ZNF735: variants seen among roughly 807,000 people sequenced by gnomAD.
The protein encoded by ZNF735 is putative zinc finger protein 735.
ZNF735 carries 11 observed loss-of-function variants against 13.4 expected under a neutral mutation model. That is an observed-to-expected ratio of 0.82 (90% CI 0.52 to 1.36). ZNF735 has a LOEUF of 1.36. Ranked by LOEUF, ZNF735 falls within the 40% of genes most tolerant of loss-of-function variation. ZNF735 has a pLI of 0.00. For missense variants in ZNF735, 500 were observed against 484.6 expected (o/e 1.03, Z -0.30); for synonymous variants, 171 against 162.6 (o/e 1.05, Z -0.39).
chr7:64,213,925 C>T (rs1787389519), intron 2 of ZNF735, 88 bp from the exon 3 acceptor site: 7 of 1,273,420 alleles, frequency 5.5e-6, no homozygotes, highest in Non-Finnish European at 7.3e-6. Context: ...TGCCACTGCA[C>T]TCCAGCCTGA....
At chr7:64,213,618 A>T (rs188580104) in intron 2 of ZNF735, among the ~76,000 whole-genome samples, 128 of 152,258 alleles carry the variant, frequency 8.4e-4, no homozygotes, top group African/African-American at 3.0e-3. Context: ...ATTTTCTATT[A>T]TATCCTTTTT....
At chr7:64,212,530 T>C (rs1456889081) in intron 1 of ZNF735, among the ~76,000 whole-genome samples, 3 of 152,126 alleles carry the variant, frequency 2.0e-5, no homozygotes, top group Non-Finnish European at 2.9e-5. Context: ...AGGTGGCTCA[T>C]GCCTGCAATC....
intron 1 of ZNF735, among the ~76,000 whole-genome samples, chr7:64,210,069 C>G (rs1262461007): frequency 6.6e-6 from 1 of 152,006 alleles, no homozygotes; most frequent in Admixed American, 6.6e-5. Context: ...AATCCAAATG[C>G]TAAAAATTAT....
At chr7:64,213,892 G>A in intron 2 of ZNF735, 121 bp from the exon 3 acceptor site, 2 of 885,028 alleles carry the variant, frequency 2.3e-6, no homozygotes, top group Non-Finnish European at 3.1e-6. Flanking sequence ...CTGGGAAGTG[G>A]AGGTTGCAGT....
intron 3 of ZNF735, among the ~76,000 whole-genome samples, chr7:64,216,221 A>G (rs1391559112): frequency 6.6e-6 from 1 of 151,874 alleles, no homozygotes; most frequent in Non-Finnish European, 1.5e-5. Flanking sequence ...GCATGAACCC[A>G]GGAGGTGGCG....
intron 1 of ZNF735, among the ~76,000 whole-genome samples, chr7:64,209,278 T>C (rs1224849654): frequency 2.6e-5 from 4 of 152,048 alleles, no homozygotes; most frequent in African/African-American, 9.7e-5. Context: ...GAATTATTTC[T>C]TTTTTCTTCA....
chr7:64,219,560 C>T, exon 4 of ZNF735: 2 of 1,586,384 alleles, frequency 1.3e-6, no homozygotes, highest in Non-Finnish European at 1.7e-6. Context: ...AGTAAATTTT[C>T]AAATTCCAAT....
At chr7:64,207,385 G>GC in intron 1 of ZNF735, 144 bp downstream of exon 1, 1 of 1,483,982 alleles carries the variant, frequency 6.7e-7, no homozygotes, top group Non-Finnish European at 9.3e-7. Flanking sequence ...TCGGCTGTTA[G>GC]CCCCCTCCAG....
At chr7:64,208,328 C>A (rs1391533043) in intron 1 of ZNF735, among the ~76,000 whole-genome samples, 1 of 137,004 alleles carries the variant, frequency 7.3e-6, no homozygotes, top group African/African-American at 2.7e-5. Flanking sequence ...TGCAATCTCA[C>A]CTCTTTACAA....
chr7:64,218,307 A>T (rs567733157), intron 3 of ZNF735, among the ~76,000 whole-genome samples: 2 of 152,122 alleles, frequency 1.3e-5, no homozygotes, highest in Non-Finnish European at 2.9e-5. Context: ...GACTAGGCTT[A>T]TAAATAATAC....
chr7:64,215,652 A>ATT (rs35071441), intron 3 of ZNF735, among the ~76,000 whole-genome samples: 12 of 144,162 alleles, frequency 8.3e-5, no homozygotes, highest in East Asian at 4.1e-4. Context: ...TAAGAGTTTC[A>ATT]TTTTTTTTTT....
exon 4 of ZNF735, chr7:64,219,720 C>T (rs4479992): frequency 0.25 from 391,016 of 1,595,130 alleles, 48,836 homozygotes; most frequent in East Asian, 0.3. Flanking sequence ...AATCCTTTAA[C>T]CACTCCTCAA....
At chr7:64,217,430 A>G (rs1475722967) in intron 3 of ZNF735, among the ~76,000 whole-genome samples, 1 of 152,098 alleles carries the variant, frequency 6.6e-6, no homozygotes, top group Admixed American at 6.6e-5. Context: ...GCATTGCAAA[A>G]TGAATTCATA....
chr7:64,207,509 C>T (rs1476656747), intron 1 of ZNF735, among the ~76,000 whole-genome samples: 4 of 152,156 alleles, frequency 2.6e-5, no homozygotes. Flanking sequence ...ACTCCCAGCG[C>T]CTCATCTCAT....
intron 2 of ZNF735, among the ~76,000 whole-genome samples, chr7:64,213,557 ATT>A (rs1787385316): frequency 6.6e-6 from 1 of 152,142 alleles, no homozygotes; most frequent in African/African-American, 2.4e-5. Context: ...AATTTAAAAT[ATT>A]TTCTAAATAT....
At chr7:64,215,058 CT>C (rs1787404019) in intron 3 of ZNF735, among the ~76,000 whole-genome samples, 2 of 146,934 alleles carry the variant, frequency 1.4e-5, no homozygotes, top group Middle Eastern at 3.6e-3. Flanking sequence ...TTGTCCATTT[CT>C]TTTTTCTTTT....
intron 1 of ZNF735, among the ~76,000 whole-genome samples, chr7:64,209,392 G>A: frequency 6.6e-6 from 1 of 151,060 alleles, no homozygotes; most frequent in East Asian, 1.9e-4. Flanking sequence ...TTTCGCCCAG[G>A]CTGGAGTGCA....
intron 1 of ZNF735, among the ~76,000 whole-genome samples, chr7:64,211,669 G>A (rs570252455): frequency 1.4e-4 from 22 of 151,808 alleles, no homozygotes; most frequent in African/African-American, 3.9e-4. Context: ...TTCGAGGCCC[G>A]CCTGGCCAAC....
At chr7:64,208,344 G>C (rs985087842) in intron 1 of ZNF735, among the ~76,000 whole-genome samples, 2 of 132,290 alleles carry the variant, frequency 1.5e-5, no homozygotes, top group Admixed American at 1.8e-4. Context: ...TACAACCTCT[G>C]CCTCCTGGTT....
Sources: allele counts gnomAD v4.1 joint callset (sites outside exome capture counted in the v4.1 genomes callset), GRCh38; gene constraint gnomAD v4.1.1; transcripts MANE v1.5; gene names NCBI Gene and HGNC (gene_info 2026-07-23, HGNC 2026-07-21).